Variants in PDXDC1 observed in about 807,000 individuals in gnomAD.
PDXDC1 encodes the protein pyridoxal dependent decarboxylase domain containing 1, also known as pyridoxal-dependent decarboxylase domain-containing protein 1.
Under a neutral mutation model 100.1 loss-of-function variants are expected in PDXDC1, and 42 were observed. The observed-to-expected ratio is 0.42, with a 90% CI of 0.33 to 0.54. PDXDC1 has a LOEUF of 0.54. Ranked by LOEUF, PDXDC1 falls within the 20% of genes least tolerant of loss-of-function variation. The probability of loss-of-function intolerance (pLI) is 0.10; values close to 1 mark genes in which losing one functional copy is unlikely to be tolerated. For synonymous variants in PDXDC1, 260 were observed against 371.7 expected, an observed-to-expected ratio of 0.70 and a Z score of 3.46; for missense variants, 636 against 979.2, an observed-to-expected ratio of 0.65 and a Z score of 4.68.
intron 1 of PDXDC1, among the ~76,000 whole-genome samples, chr16:14,991,267 ATGTG>A (rs10642182): frequency 0.027 from 4,025 of 149,572 alleles, 6 homozygotes; most frequent in South Asian, 0.031. Context: ...GTATATAGAT[ATGTG>A]TGTGTGTGTG....
chr16:15,091,789 G>A (rs2046139310), intron 16 of PDXDC1, among the ~76,000 whole-genome samples: 1 of 152,182 alleles, frequency 6.6e-6, no homozygotes, highest in East Asian at 1.9e-4. Flanking sequence ...CTGAGATACA[G>A]TAGAAATGCT....
At chr16:15,126,498 T>TCC (rs1192279014) in intron 16 of PDXDC1, among the ~76,000 whole-genome samples, 3 of 128,760 alleles carry the variant, frequency 2.3e-5, no homozygotes, top group Non-Finnish European at 4.9e-5. Flanking sequence ...ACGTGTGCAT[T>TCC]CCTAAGGGGT....
chr16:15,011,705 C>A (rs1226467868), intron 8 of PDXDC1, among the ~76,000 whole-genome samples: 1 of 151,386 alleles, frequency 6.6e-6, no homozygotes, highest in Non-Finnish European at 1.5e-5. Flanking sequence ...GCTGTGCTGC[C>A]CAGGCTGGAG....
At position 15,009,631 on chromosome 16, in the gene PDXDC1, T is replaced by C. The variant is rs746837528; in HGVS notation, c.649-50T>C. Reference sequence around the variant, plus strand: ...TTGTAAGTCATAATTTTTCATTTTATAGCTTTTATACTGGGCACCTCATTT... The same window carrying C: ...TTGTAAGTCATAATTTTTCATTTTACAGCTTTTATACTGGGCACCTCATTT... On this transcript the variant is annotated intron_variant, in intron 7 of 22. Transcript: ENST00000396410. 28 of 1,595,546 alleles carry C rather than the reference T, an allele frequency of 1.8e-5. No individual in the cohort carries two copies. In the South Asian group the frequency reaches 2.6e-4, roughly 15 times the overall value.
chr16:14,990,243 C>CT, intron 1 of PDXDC1: 1 of 779,046 alleles, frequency 1.3e-6, no homozygotes, highest in Non-Finnish European at 1.6e-6. Flanking sequence ...CCGTGCCTCA[C>CT]TGCCCGGCCC....
intron 16 of PDXDC1, among the ~76,000 whole-genome samples, chr16:15,093,773 TTG>T: frequency 6.6e-6 from 1 of 152,146 alleles, no homozygotes; most frequent in Non-Finnish European, 1.5e-5. Context: ...AATATTCAAT[TTG>T]CCATGAGTGA....
Position 15,036,216 on chromosome 16 carries a change from G to A in PDXDC1, c.2308G>A (p.Gly770Arg), listed in dbSNP as rs1290197699. 1 of 1,613,966 alleles carries A rather than the reference G, an allele frequency of 6.2e-7. No homozygotes were observed. Residue 770 changes from glycine to arginine, a missense_variant, in exon 23 of 23, where the codon GGG becomes AGG. By Grantham distance (125) the Gly-to-Arg change is moderately radical. Coordinates refer to ENST00000396410, the MANE Select transcript of PDXDC1 (RefSeq NM_015027.4). ...CGACCAGACCGAGGCCTTCCAGAAA[G>A]GGGTCCCACACCCAGAAGATGACCA... ...HTDQTEAFQK[G>R]VPHPEDDHSQ... is the part of the protein sequence containing the mutation.
At chr16:15,031,690 T>C (rs1432451860) in intron 16 of PDXDC1, 45 bp from the exon 17 acceptor site, 21 of 1,551,496 alleles carry the variant, frequency 1.4e-5, no homozygotes, top group Non-Finnish European at 1.8e-5. Context: ...CCTCTTGTCA[T>C]TGGCCATCTC....
At chr16:15,127,901 G>C (rs199709925) in intron 16 of PDXDC1, 3 of 1,491,162 alleles carry the variant, frequency 2.0e-6, no homozygotes, top group East Asian at 2.4e-5. Flanking sequence ...GCGTGACCTA[G>C]AAGGCAGGGA....
chr16:15,056,017 C>T (rs139773894), intron 16 of PDXDC1: 33 of 1,030,728 alleles, frequency 3.2e-5, no homozygotes, highest in East Asian at 1.2e-4. Flanking sequence ...GGCGGCCCCC[C>T]GCTTTGCAGC....
chr16:15,125,197 T>A (rs534902358), intron 16 of PDXDC1: 8 of 424,860 alleles, frequency 1.9e-5, no homozygotes, highest in Non-Finnish European at 3.3e-5. Flanking sequence ...TAGATTTCGG[T>A]TGTGTTGGTT....
At chr16:14,977,283 T>C (rs1353289695) in intron 1 of PDXDC1, among the ~76,000 whole-genome samples, 3 of 151,236 alleles carry the variant, frequency 2.0e-5, no homozygotes, top group Non-Finnish European at 2.9e-5. Context: ...TTTTTTTTTT[T>C]TTTTTTTTTT....
chr16:15,007,036 C>T, intron 6 of PDXDC1, among the ~76,000 whole-genome samples: 1 of 151,666 alleles, frequency 6.6e-6, no homozygotes, highest in African/African-American at 2.4e-5. Context: ...AGGTAATGTT[C>T]TTTGTGTAGT....
chr16:15,098,583 A>G (rs2046436660), intron 16 of PDXDC1, among the ~76,000 whole-genome samples: 1 of 151,962 alleles, frequency 6.6e-6, no homozygotes, highest in Non-Finnish European at 1.5e-5. Flanking sequence ...TTGAGCATAA[A>G]GAGTGACCTT....
chr16:15,035,498 A>G lies in PDXDC1; in HGVS notation c.2052A>G (p.Ala684=). ...TATATGTCTACAAAGCACAAGGTGC[A>G]GGAGTCACGCTGCCTCCAACGCCCT... is the stretch of plus-strand genomic sequence containing the variant. ...EPIYVYKAQG[A]GVTLPPTPSG... Residue 684 remains alanine, a synonymous_variant, in exon 22 of 23, where the codon GCA becomes GCG. Coordinates refer to ENST00000396410, the MANE Select transcript of PDXDC1 (RefSeq NM_015027.4). 1.2e-6 allele frequency: 2 copies of G among 1,612,800 alleles called. No individual in the cohort carries two copies. Among genetic ancestry groups the G allele is most frequent in the Non-Finnish European group, 1.7e-6 (2 of 1,179,620 alleles).
chr16:15,032,861 G>A lies in PDXDC1; in HGVS notation c.1572G>A (p.Arg524=), dbSNP rs945421038. The A allele has an allele frequency of 2.6e-6, 4 of 1,519,948 alleles. No individual in the cohort carries two copies. The highest frequency in any genetic ancestry group is 3.7e-6 in the Non-Finnish European group (4 of 1,094,020). 94.2% of individuals were successfully genotyped at this position (1,519,948 alleles called of 1,614,324 possible). The change falls in exon 18 of 23, where the codon AGG becomes AGA. Residue 524 remains arginine (R), a splice_region_variant and synonymous_variant. Coordinates refer to ENST00000396410, the MANE Select transcript of PDXDC1 (RefSeq NM_015027.4). ...ATGCTGTGGTTTGATGTTGTTTTAG[G>A]TATGAACATGCTAATGATGATAAGA... The part of the protein sequence containing the change: ...DPNWSGIGVV[R]YEHANDDKSS...
At position 15,074,666 on chromosome 16, in the gene PDXDC1, C is replaced by A. The variant is rs141387535; in HGVS notation, c.1399+44610C>A. On this transcript the variant is annotated intron_variant, in intron 16 of 16. Transcript: ENST00000535621. Reference sequence around the variant, plus strand: ...CTAGAGATAATGGATGGAAAATGCCCAGCACAAAGCCAGGTACACTGCAGG... The same window carrying A: ...CTAGAGATAATGGATGGAAAATGCCAAGCACAAAGCCAGGTACACTGCAGG... 2.9e-6 allele frequency: 4 copies of A among 1,368,028 alleles called. No homozygotes were observed. The African/African-American group carries it at 5.8e-5, about 20-fold the overall frequency. The allele number at this position is 1,368,028 out of a possible 1,614,324, so 84.7% of individuals were successfully genotyped here. A position where few individuals can be genotyped will look rare whatever the true frequency, so the allele number is the denominator to read the frequency against.
intron 1 of PDXDC1, among the ~76,000 whole-genome samples, chr16:14,976,071 A>G (rs1248103775): frequency 1.3e-5 from 2 of 152,292 alleles, no homozygotes; most frequent in East Asian, 3.8e-4. Context: ...CTGCTCTACC[A>G]TGTGAAACGG....
rs2045784776 is a variant in PDXDC1, at chr16:15,083,405, G to GA, written c.1399+53354dup. The GA allele has an allele frequency of 3.3e-6, 5 of 1,492,874 alleles. No homozygotes were observed. The African/African-American group carries it at 5.7e-5, about 17-fold the overall frequency. 92.5% of individuals were successfully genotyped at this position (1,492,874 alleles called of 1,614,324 possible). On this transcript the variant is annotated intron_variant, in intron 16 of 16. Coordinates refer to the PDXDC1 transcript ENST00000535621. Reference sequence around the variant, plus strand: ...CAGAGTGAGACTCGGTCTCAAAAAAGAAAAAGAAAAAGAAAGACTGGAAAA... The same window carrying GA: ...CAGAGTGAGACTCGGTCTCAAAAAAGAAAAAAGAAAAAGAAAGACTGGAAAA...
Sources: gnomAD v4.1 joint callset for allele counts (sites outside exome capture counted in the v4.1 genomes callset) on GRCh38, gnomAD v4.1.1 for gene constraint, MANE v1.5 for transcripts, NCBI Gene and HGNC (gene_info 2026-07-23, HGNC 2026-07-21) for gene names.